The following TTC39C variants were observed in gnomAD, a reference collection of about 807,000 sequenced individuals.
The protein encoded by TTC39C is tetratricopeptide repeat protein 39C.
TTC39C carries 33 observed loss-of-function variants against 76.3 expected under a neutral mutation model. The observed-to-expected ratio is 0.43, with a 90% CI of 0.33 to 0.58. The LOEUF is 0.58. Ranked by LOEUF, TTC39C falls within the 20% of genes least tolerant of loss-of-function variation. The pLI is 0.04. For synonymous variants in TTC39C, 254 were observed against 260.6 expected, an observed-to-expected ratio of 0.97 and a Z score of 0.24; for missense variants, 595 against 701.4, an observed-to-expected ratio of 0.85 and a Z score of 1.71.
At chr18:24,106,975 G>A (rs115404288) in intron 6 of TTC39C, among the ~76,000 whole-genome samples, 4,843 of 152,256 alleles carry the variant, frequency 0.032, 259 homozygotes, top group African/African-American at 0.11. Flanking sequence ...GTGAGCCACC[G>A]TGCCCGACAG....
chr18:24,003,844 C>T (rs1568400716), intron 1 of TTC39C, among the ~76,000 whole-genome samples: 1 of 152,172 alleles, frequency 6.6e-6, no homozygotes, highest in Non-Finnish European at 1.5e-5. Flanking sequence ...AACTTTTGGG[C>T]TTGAGTGATC....
chr18:24,050,253 G>T (rs1047378529), intron 1 of TTC39C, among the ~76,000 whole-genome samples: 1 of 152,158 alleles, frequency 6.6e-6, no homozygotes, highest in Non-Finnish European at 1.5e-5. Context: ...CCTTTCCTTT[G>T]CTAGACACCA....
At chr18:24,131,019 GCAA>G (rs2085120568) in intron 12 of TTC39C, among the ~76,000 whole-genome samples, 1 of 18,482 alleles carries the variant, frequency 5.4e-5, no homozygotes, top group Non-Finnish European at 9.0e-5. Context: ...CCTCATCTCT[GCAA>G]AAAAAAAAAA....
chr18:24,033,185 G>A (rs899453650), intron 1 of TTC39C, among the ~76,000 whole-genome samples: 6 of 152,196 alleles, frequency 3.9e-5, no homozygotes, highest in South Asian at 4.1e-4. Flanking sequence ...ACTGGGGGGC[G>A]GCGGTTGCAG....
chr18:24,056,354 G>T (rs148202323), intron 1 of TTC39C, among the ~76,000 whole-genome samples: 1,907 of 152,230 alleles, frequency 0.013, 37 homozygotes, highest in African/African-American at 0.044. Context: ...GGGGAGAAAA[G>T]TATTTTGGAA....
intron 1 of TTC39C, among the ~76,000 whole-genome samples, chr18:24,055,344 TC>T (rs2084001702): frequency 6.6e-6 from 1 of 152,212 alleles, no homozygotes; most frequent in Non-Finnish European, 1.5e-5. Flanking sequence ...CACCTTATAC[TC>T]CCACCAACGG....
intron 1 of TTC39C, among the ~76,000 whole-genome samples, chr18:24,028,381 T>C (rs541993699): frequency 6.6e-6 from 1 of 152,336 alleles, no homozygotes; most frequent in East Asian, 1.9e-4. Flanking sequence ...TAGTTGAGGC[T>C]AACTTGAAAT....
chr18:24,096,193 G>A (rs1568436030), intron 6 of TTC39C, among the ~76,000 whole-genome samples: 1 of 152,148 alleles, frequency 6.6e-6, no homozygotes, highest in Non-Finnish European at 1.5e-5. Flanking sequence ...TTGGAAAAAT[G>A]ATGCCAATGG....
At chr18:24,031,075 T>C (rs2145675577) in intron 1 of TTC39C, among the ~76,000 whole-genome samples, 1 of 151,540 alleles carries the variant, frequency 6.6e-6, no homozygotes, top group East Asian at 1.9e-4. Context: ...GACTCCTGAG[T>C]AGCTGGGACT....
At chr18:24,113,839 C>T in intron 6 of TTC39C, 1 of 618,824 alleles carries the variant, frequency 1.6e-6, no homozygotes, top group South Asian at 1.8e-5. Flanking sequence ...GTAGAGCGGA[C>T]ATTTGAGAGT....
At chr18:24,069,415 A>G in intron 4 of TTC39C, 144 bp downstream of exon 4, 1 of 684,146 alleles carries the variant, frequency 1.5e-6, no homozygotes, top group Admixed American at 2.8e-5. Flanking sequence ...TACTGGGGAA[A>G]TTGAAACCAC....
chr18:24,123,977 T>TA, intron 9 of TTC39C, 34 bp downstream of exon 9: 1 of 1,491,698 alleles, frequency 6.7e-7, no homozygotes, highest in Non-Finnish European at 9.2e-7. Context: ...GTGTATTACT[T>TA]ATGATGGGCA....
At chr18:24,022,699 C>T (rs2083531971) in intron 1 of TTC39C, 2 of 985,424 alleles carry the variant, frequency 2.0e-6, no homozygotes, top group Non-Finnish European at 2.4e-6. Flanking sequence ...GCTTTAGACG[C>T]TCTGTGGCTC....
At chr18:24,019,828 G>C (rs910026374) in intron 1 of TTC39C, 4 of 1,515,472 alleles carry the variant, frequency 2.6e-6, no homozygotes, top group Middle Eastern at 1.7e-4. Context: ...GGCATGCAAA[G>C]CCTAAAATAT....
intron 1 of TTC39C, among the ~76,000 whole-genome samples, chr18:24,039,892 C>T (rs2083771118): frequency 6.6e-6 from 1 of 152,030 alleles, no homozygotes; most frequent in Non-Finnish European, 1.5e-5. Context: ...TGTTCGGGGT[C>T]ACTAGTTAGA....
chr18:24,070,845 A>G (rs1430280151), intron 4 of TTC39C, among the ~76,000 whole-genome samples: 2 of 150,720 alleles, frequency 1.3e-5, no homozygotes, highest in Non-Finnish European at 2.9e-5. Flanking sequence ...TTAAAAAGAA[A>G]AGAAAAGAAA....
chr18:24,001,898 T>C (rs2145626748), intron 1 of TTC39C, among the ~76,000 whole-genome samples: 1 of 144,752 alleles, frequency 6.9e-6, no homozygotes, highest in South Asian at 2.2e-4. Flanking sequence ...CAATCTCGGC[T>C]CACTGCAAGC....
At chr18:24,020,742 C>G (rs2083508627) in intron 1 of TTC39C, among the ~76,000 whole-genome samples, 1 of 152,104 alleles carries the variant, frequency 6.6e-6, no homozygotes, top group Non-Finnish European at 1.5e-5. Context: ...CTAATGCAAC[C>G]TTTTTTTCCA....
intron 4 of TTC39C, among the ~76,000 whole-genome samples, chr18:24,069,960 G>GA (rs779193523): frequency 8.9e-4 from 136 of 152,228 alleles, no homozygotes; most frequent in Admixed American, 1.8e-3. Context: ...GAATTTACTT[G>GA]AAAAAACCGA....
Sources: gnomAD v4.1 joint callset for allele counts (sites outside exome capture counted in the v4.1 genomes callset) on GRCh38, gnomAD v4.1.1 for gene constraint, MANE v1.5 for transcripts, NCBI Gene and HGNC (gene_info 2026-07-23, HGNC 2026-07-21) for gene names.